The following MEN1 variants were observed in gnomAD, a reference collection of about 807,000 sequenced individuals.
The protein encoded by MEN1 is menin 1.
In MEN1, 6 loss-of-function variants were observed where a neutral mutation model predicts 58.0. That is an observed-to-expected ratio of 0.10 (90% confidence interval 0.06 to 0.20). The LOEUF (loss-of-function observed/expected upper bound fraction) is 0.20, where lower values mean the gene tolerates loss of function less well. MEN1 is among the 10% of genes least tolerant of loss of function. The pLI, the probability that MEN1 is intolerant of heterozygous loss-of-function variation, is 1.00. For missense variants in MEN1, 492 were observed against 818.5 expected (o/e 0.60, Z 4.87); for synonymous variants, 346 against 350.7 (o/e 0.99, Z 0.15).
chr11:64,804,658 G>T lies in MEN1; in HGVS notation c.1509C>A (p.Gly503=). Residue 503 remains glycine (G), a synonymous_variant, in exon 10 of 10, where the codon GGC becomes GGA. Transcript: ENST00000450708. The surrounding 1 kb of genome is among the most constrained non-coding windows in gnomAD (Gnocchi z 4.2). ...PPPKKPALDK[G]LGTGQGAVSG... is the part of the protein sequence containing the mutation. ...ACACTGCACCCTGGCCGGTGCCCAG[G>T]CCCTTGTCCAGTGCTGGCTTCTTGG... 1.9e-6 allele frequency: 3 copies of T among 1,598,744 alleles called. No homozygotes were observed. Among genetic ancestry groups the T allele is most frequent in the South Asian group, 1.1e-5 (1 of 90,574 alleles).
At position 64,807,761 on chromosome 11, in the gene MEN1, C is replaced by T; in HGVS notation, c.655-81G>A. The T allele has an allele frequency of 6.2e-7, 1 of 1,611,106 alleles. No individual in the cohort carries two copies. ...AGGGAATGACAGCCAGGAAAAGGGGCTCTTCTGTCTTCCCTTCCTATGTGG... is the reference window on the plus strand; with the variant it reads ...AGGGAATGACAGCCAGGAAAAGGGGTTCTTCTGTCTTCCCTTCCTATGTGG... On this transcript the variant is annotated intron_variant, in intron 3 of 9. Coordinates refer to ENST00000450708, the MANE Select transcript of MEN1 (RefSeq NM_001370259.2). The surrounding 1 kb of genome is among the most constrained non-coding windows in gnomAD (Gnocchi z 4.9).
intron 7 of MEN1, 138 bp downstream of exon 7, chr11:64,806,094 T>C: frequency 9.0e-7 from 1 of 1,114,046 alleles, no homozygotes. Context: ...TCCTGGGTAA[T>C]GGTGGCCTTG....
Position 64,807,521 on chromosome 11 carries a change from C to T in MEN1, c.783+31G>A. ...CCACAGCAAGTCAAGTCTGGCCTAG[C>T]CCAGTCCTGCCCCATTGGCTCAGCC... On this transcript the variant is annotated intron_variant, in intron 4 of 9. Coordinates refer to ENST00000450708, the MANE Select transcript of MEN1 (RefSeq NM_001370259.2). This position sits in a 1 kb window ranked among gnomAD's most constrained non-coding sequence, Gnocchi z 4.9. 6.2e-7 allele frequency: 1 copy of T among 1,613,328 alleles called. No homozygotes were observed. The highest frequency in any genetic ancestry group is 8.5e-7 in the Non-Finnish European group (1 of 1,179,498).
chr11:64,805,859 G>T, intron 7 of MEN1, 89 bp from the exon 8 acceptor site: 1 of 1,356,610 alleles, frequency 7.4e-7, no homozygotes, highest in Non-Finnish European at 1.1e-6. Flanking sequence ...GGAGCCCCCA[G>T]GGGCTGGGGG....
rs748005956 is a variant in MEN1 at position 64,807,683 on chromosome 11, TA to T, written c.655-4del. ...GATCCTTTCAGGTACAGCCAGCTCT[TA>T]GGGGGGGATGAGATCATTATGTCTC... is the stretch of plus-strand genomic sequence containing the variant. On this transcript the variant is annotated splice_region_variant and splice_polypyrimidine_tract_variant and intron_variant, in intron 3 of 9. Coordinates refer to ENST00000450708, the MANE Select transcript of MEN1 (RefSeq NM_001370259.2). The surrounding 1 kb of genome is among the most constrained non-coding windows in gnomAD (Gnocchi z 4.9). The T allele has an allele frequency of 8.1e-5, 130 of 1,614,104 alleles. No individual in the cohort carries two copies. The highest frequency in any genetic ancestry group is 8.0e-4 in the South Asian group (73 of 91,086).
At chr11:64,805,871 G>T in intron 7 of MEN1, 101 bp from the exon 8 acceptor site, 1 of 1,195,516 alleles carries the variant, frequency 8.4e-7, no homozygotes, top group Non-Finnish European at 1.2e-6. Context: ...GGCTGGGGGA[G>T]TAGGTGGGGT....
chr11:64,808,882 G>A (rs940951019), intron 2 of MEN1, among the ~76,000 whole-genome samples: 2 of 151,664 alleles, frequency 1.3e-5, no homozygotes, highest in African/African-American at 4.9e-5. Context: ...ATGAAAGCAG[G>A]AGGCAGAGCT....
upstream of MEN1, chr11:64,811,019 T>C (rs1942078724): frequency 6.6e-6 from 1 of 152,132 alleles, no homozygotes; most frequent in Admixed American, 6.6e-5. Flanking sequence ...TCTGTTAACA[T>C]ATAAAGATGC....
chr11:64,804,908 G>A lies in MEN1; in HGVS notation c.1351-92C>T. 6.3e-7 allele frequency: 1 copy of A among 1,596,752 alleles called. No homozygotes were observed. The highest frequency in any genetic ancestry group is 8.5e-7 in the Non-Finnish European group (1 of 1,178,754). On this transcript the variant is annotated intron_variant, in intron 9 of 9. Coordinates refer to ENST00000450708, the MANE Select transcript of MEN1 (RefSeq NM_001370259.2). The surrounding 1 kb of genome is among the most constrained non-coding windows in gnomAD (Gnocchi z 4.2). ...GCTCTGGCCATCCCATCCCACCCAG[G>A]GGGTCTCAGTCCCATCGGCACCCAA...
At chr11:64,805,269 C>T in intron 8 of MEN1, 71 bp from the exon 9 acceptor site, 1 of 1,548,452 alleles carries the variant, frequency 6.5e-7, no homozygotes, top group Non-Finnish European at 8.8e-7. Context: ...CAGGCCAGGC[C>T]CCCCACCTAG....
In MEN1 at chr11:64,805,630, T is replaced by C. The variant is rs748700116; in HGVS notation, c.1185+5A>G. ...TGGACACAGGCTGGAGCTCCAGCCTTTCACCTGGCTTTGCTCCCCCGGCCG... is the reference window on the plus strand; with the variant it reads ...TGGACACAGGCTGGAGCTCCAGCCTCTCACCTGGCTTTGCTCCCCCGGCCG... On this transcript the variant is annotated splice_donor_5th_base_variant and intron_variant, in intron 8 of 9. Transcript: ENST00000450708. 3.7e-6 allele frequency: 6 copies of C among 1,613,480 alleles called. No homozygotes were observed. The South Asian group carries it at 6.6e-5, about 18-fold the overall frequency.
Position 64,804,265 on chromosome 11 carries a change from A to C in MEN1, c.*69T>G, listed in dbSNP as rs934731720. The C allele has an allele frequency of 6.2e-7, 1 of 1,609,368 alleles. No individual in the cohort carries two copies. Among genetic ancestry groups the C allele is most frequent in the Non-Finnish European group, 8.5e-7 (1 of 1,176,894 alleles). On this transcript the variant is annotated 3_prime_UTR_variant, in exon 10 of 10. Transcript: ENST00000450708. This position sits in a 1 kb window ranked among gnomAD's most constrained non-coding sequence, Gnocchi z 4.2. Reference sequence around the variant, plus strand: ...GTCCCCTTTGGGCTGGGGGCAGAACATGGGCTCAGAGTTGGGGGACTAAGG... The same window carrying C: ...GTCCCCTTTGGGCTGGGGGCAGAACCTGGGCTCAGAGTTGGGGGACTAAGG...
chr11:64,806,099 G>T, intron 7 of MEN1, 133 bp downstream of exon 7: 1 of 1,175,378 alleles, frequency 8.5e-7, no homozygotes, highest in Non-Finnish European at 1.2e-6. Context: ...GGTAATGGTG[G>T]CCTTGCTGCC....
At position 64,809,808 on chromosome 11, in the gene MEN1, A is replaced by G. The variant is rs771936005; in HGVS notation, c.302T>C (p.Val101Ala). Residue 101 changes from valine to alanine, a missense_variant, in exon 2 of 10, where the codon GTC becomes GCC. This residue lies in a region of MEN1 where 335 missense variants were observed against 550.3 expected (regional missense o/e 0.61). Coordinates refer to ENST00000450708, the MANE Select transcript of MEN1 (RefSeq NM_001370259.2). ...TTCTCGAGGATAGAGGGACAGGTCG[A>G]CGGCGCCTCGGATCTGGGCGGTGAA... ...ARFTAQIRGA[V>A]DLSLYPREGG... 1 of 1,613,274 alleles carries G rather than the reference A, an allele frequency of 6.2e-7. No individual in the cohort carries two copies. Among genetic ancestry groups the G allele is most frequent in the Non-Finnish European group, 8.5e-7 (1 of 1,179,778 alleles).
Position 64,805,623 on chromosome 11 carries a change from C to G in MEN1, c.1185+12G>C, listed in dbSNP as rs373609932. The G allele has an allele frequency of 6.2e-7, 1 of 1,613,070 alleles. No homozygotes were observed. On this transcript the variant is annotated intron_variant, in intron 8 of 9. Transcript: ENST00000450708. ...GGGAGGCTGGACACAGGCTGGAGCT[C>G]CAGCCTTTCACCTGGCTTTGCTCCC...
chr11:64,807,686 G>T lies in MEN1; in HGVS notation c.655-6C>A, dbSNP rs77461664. 2.0e-4 allele frequency: 322 copies of T among 1,614,102 alleles called. No homozygotes were observed. The highest frequency in any genetic ancestry group is 2.5e-4 in the Admixed American group (15 of 60,020). ...CCTTTCAGGTACAGCCAGCTCTTAG[G>T]GGGGGATGAGATCATTATGTCTCAT... On this transcript the variant is annotated splice_region_variant and splice_polypyrimidine_tract_variant and intron_variant, in intron 3 of 9. Coordinates refer to ENST00000450708, the MANE Select transcript of MEN1 (RefSeq NM_001370259.2). This position sits in a 1 kb window ranked among gnomAD's most constrained non-coding sequence, Gnocchi z 4.9.
rs1592630324 is a variant in MEN1 at position 64,804,514 on chromosome 11, G to A, written c.1653C>T (p.Leu551=). The stretch of plus-strand genomic sequence containing the variant: ...CCTTCATCTTCTCACTCTGGAAAGT[G>A]AGCACTGGACCCTCCGGCGGTGGTG... ...TASPPPEGPV[L]TFQSEKMKGM... The change falls in exon 10 of 10, where the codon CTC becomes CTT. Residue 551 remains leucine (L), a synonymous_variant. Transcript: ENST00000450708. The surrounding 1 kb of genome is among the most constrained non-coding windows in gnomAD (Gnocchi z 4.2). 1 of 1,613,998 alleles carries A rather than the reference G, an allele frequency of 6.2e-7. No individual in the cohort carries two copies. The highest frequency in any genetic ancestry group is 2.2e-5 in the East Asian group (1 of 44,892).
rs753411991 is a variant in MEN1, at chr11:64,807,639, G to A, written c.696C>T (p.Arg232=). 8 of 1,614,176 alleles carry A rather than the reference G, an allele frequency of 5.0e-6. No homozygotes were observed. The East Asian group carries it at 1.6e-4, about 31-fold the overall frequency. The change falls in exon 4 of 10, where the codon CGC becomes CGT. Residue 232 remains arginine, a synonymous_variant. Coordinates refer to ENST00000450708, the MANE Select transcript of MEN1 (RefSeq NM_001370259.2). The surrounding 1 kb of genome is among the most constrained non-coding windows in gnomAD (Gnocchi z 4.9). ...YLKGSYMRCD[R]KMEVAFMVCA... is the part of the protein sequence containing the mutation. ...ACACCATGAACGCCACCTCCATCTT[G>A]CGGTCACAGCGCATGTATGATCCTT...
Position 64,807,614 on chromosome 11 carries a change from A to G in MEN1, c.721T>C (p.Cys241Arg), listed in dbSNP as rs1592649108. The G allele has an allele frequency of 6.2e-7, 1 of 1,614,164 alleles. No homozygotes were observed. Among genetic ancestry groups the G allele is most frequent in the Non-Finnish European group, 8.5e-7 (1 of 1,180,022 alleles). ...AGGTCAATGGAAGGGTTGATGGCAC[A>G]CACCATGAACGCCACCTCCATCTTG... is the stretch of plus-strand genomic sequence containing the variant. ...DRKMEVAFMV[C>R]AINPSIDLHT... is the part of the protein sequence containing the mutation. Residue 241 changes from cysteine to arginine, a missense_variant, in exon 4 of 10, where the codon TGT becomes CGT. By Grantham distance (180) the Cys-to-Arg change is radical. This residue lies in a region of MEN1 where 335 missense variants were observed against 550.3 expected (regional missense o/e 0.61). Coordinates refer to ENST00000450708, the MANE Select transcript of MEN1 (RefSeq NM_001370259.2). The surrounding 1 kb of genome is among the most constrained non-coding windows in gnomAD (Gnocchi z 4.9).
Sources: gnomAD v4.1 joint callset for allele counts (sites outside exome capture counted in the v4.1 genomes callset) on GRCh38, gnomAD v4.1.1 for gene constraint, gnomAD v4.1.1 regional missense constraint, Gnocchi (gnomAD v3.1) non-coding constraint, MANE v1.5 for transcripts, NCBI Gene and HGNC (gene_info 2026-07-23, HGNC 2026-07-21) for gene names.